UGGT2: variants seen among roughly 807,000 people sequenced by gnomAD.
UGGT2 encodes the protein UDP-glucose:glycoprotein glucosyltransferase 2.
In UGGT2, 180 loss-of-function variants were observed where a neutral mutation model predicts 192.1. The observed-to-expected ratio is 0.94, with a 90% CI of 0.83 to 1.06. UGGT2 has a LOEUF of 1.06. Ranked by LOEUF, UGGT2 falls within the 50% of genes least tolerant of loss-of-function variation. UGGT2 has a pLI of 0.00. For missense variants in UGGT2, 1,849 were observed against 1,795.7 expected (o/e 1.03, Z -0.54); for synonymous variants, 580 against 591.0 (o/e 0.98, Z 0.27).
At chr13:95,907,720 T>A (rs914096919) in intron 20 of UGGT2, among the ~76,000 whole-genome samples, 1 of 152,186 alleles carries the variant, frequency 6.6e-6, no homozygotes, top group African/African-American at 2.4e-5. Flanking sequence ...AAAGGTCATC[T>A]ACACCAAAAC....
intron 5 of UGGT2, among the ~76,000 whole-genome samples, chr13:96,001,736 G>C (rs1272681518): frequency 6.6e-6 from 1 of 152,092 alleles, no homozygotes; most frequent in Non-Finnish European, 1.5e-5. Context: ...ATATTTTATA[G>C]ATATCTACTT....
At chr13:95,913,048 A>G (rs1210475378) in intron 20 of UGGT2, among the ~76,000 whole-genome samples, 3 of 152,250 alleles carry the variant, frequency 2.0e-5, no homozygotes, top group African/African-American at 7.2e-5. Context: ...TAGAAAGCTG[A>G]AATTGGATCC....
rs760819633 is a variant in UGGT2, at chr13:95,937,106, A to G, written c.1813-18T>C. The G allele has an allele frequency of 1.6e-4, 250 of 1,572,768 alleles. No individual in the cohort carries two copies. The highest frequency in any genetic ancestry group is 2.1e-4 in the Non-Finnish European group (243 of 1,169,488). ...GCTCCAGCCTATTCAGTTAAAAAAT[A>G]TCAGAGTGTTAAACAAAATATGATT... On this transcript the variant is annotated intron_variant, in intron 16 of 38. Transcript: ENST00000376747.
intron 4 of UGGT2, among the ~76,000 whole-genome samples, chr13:96,018,336 C>A (rs191905938): frequency 6.6e-6 from 1 of 152,058 alleles, no homozygotes; most frequent in East Asian, 1.9e-4. Context: ...GGCAACATAG[C>A]AAGACCCCGT....
chr13:95,891,345 T>C (rs1320201027), intron 24 of UGGT2, among the ~76,000 whole-genome samples: 3 of 152,164 alleles, frequency 2.0e-5, no homozygotes, highest in Admixed American at 6.5e-5. Context: ...TAAAATTAAC[T>C]ATTCATACTT....
chr13:95,921,553 G>C (rs1286594341), intron 20 of UGGT2, among the ~76,000 whole-genome samples: 2 of 151,726 alleles, frequency 1.3e-5, no homozygotes, highest in African/African-American at 4.8e-5. Flanking sequence ...AACATTAACT[G>C]GCTAGTAAAC....
At chr13:95,980,676 T>C (rs2051091185) in intron 10 of UGGT2, among the ~76,000 whole-genome samples, 1 of 152,180 alleles carries the variant, frequency 6.6e-6, no homozygotes, top group Non-Finnish European at 1.5e-5. Flanking sequence ...TTGCGCCCTC[T>C]AGTGGGAAGA....
intron 29 of UGGT2, among the ~76,000 whole-genome samples, chr13:95,870,681 G>A (rs1402977853): frequency 1.3e-5 from 2 of 152,156 alleles, no homozygotes; most frequent in Non-Finnish European, 2.9e-5. Context: ...TTCCCAATAC[G>A]ATGTAAAAGC....
At chr13:95,899,894 C>A (rs374994749) in intron 22 of UGGT2, among the ~76,000 whole-genome samples, 1 of 151,908 alleles carries the variant, frequency 6.6e-6, no homozygotes, top group East Asian at 1.9e-4. Context: ...TGCAGGTGAA[C>A]AGAATTCAAA....
chr13:95,849,830 T>C (rs946068040), intron 36 of UGGT2, among the ~76,000 whole-genome samples: 4 of 149,698 alleles, frequency 2.7e-5, no homozygotes, highest in African/African-American at 9.7e-5. Context: ...CTAACTTTTA[T>C]ATATTAATTT....
At chr13:95,908,231 A>C (rs2048356211) in intron 20 of UGGT2, among the ~76,000 whole-genome samples, 1 of 152,246 alleles carries the variant, frequency 6.6e-6, no homozygotes, top group Non-Finnish European at 1.5e-5. Context: ...CAAAGCCTCC[A>C]AGAAATATGG....
intron 10 of UGGT2, among the ~76,000 whole-genome samples, chr13:95,978,825 A>C (rs368783710): frequency 6.6e-6 from 1 of 152,234 alleles, no homozygotes; most frequent in African/African-American, 2.4e-5. Flanking sequence ...ATAAGACTTA[A>C]AAAGTATGAT....
chr13:95,964,871 C>T (rs2050517457), intron 12 of UGGT2, among the ~76,000 whole-genome samples: 1 of 150,330 alleles, frequency 6.7e-6, no homozygotes, highest in Admixed American at 6.6e-5. Context: ...TATCCAGAAT[C>T]TACAATGAAC....
chr13:95,928,300 C>T (rs2049105171), intron 17 of UGGT2, among the ~76,000 whole-genome samples: 1 of 151,630 alleles, frequency 6.6e-6, no homozygotes, highest in African/African-American at 2.4e-5. Flanking sequence ...GCAGGGGCTG[C>T]CCCCCACCTC....
intron 11 of UGGT2, 51 bp downstream of exon 11, chr13:95,972,526 ATGT>A: frequency 7.2e-7 from 1 of 1,380,410 alleles, no homozygotes; most frequent in South Asian, 1.2e-5. Flanking sequence ...ATTCAAGACA[ATGT>A]TTATTTTTAT....
At chr13:96,040,576 T>C (rs1453649295) in intron 1 of UGGT2, among the ~76,000 whole-genome samples, 2 of 151,976 alleles carry the variant, frequency 1.3e-5, no homozygotes, top group Admixed American at 6.5e-5. Flanking sequence ...TTCAACCTAC[T>C]ACAGATGCCC....
At chr13:95,932,685 T>C (rs1466995536) in intron 17 of UGGT2, among the ~76,000 whole-genome samples, 1 of 152,192 alleles carries the variant, frequency 6.6e-6, no homozygotes, top group African/African-American at 2.4e-5. Flanking sequence ...AAGGGGAATG[T>C]TTCCAGCTTT....
intron 38 of UGGT2, among the ~76,000 whole-genome samples, chr13:95,814,288 G>C (rs780061205): frequency 2.0e-5 from 3 of 152,216 alleles, no homozygotes; most frequent in Non-Finnish European, 4.4e-5. Flanking sequence ...TGTGAGAGTA[G>C]CCTCGGGGGT....
In UGGT2 at chr13:95,832,991, C is replaced by T; in HGVS notation, c.4464G>A (p.Trp1488Ter). The change falls in exon 38 of 39, where the codon TGG becomes TGA. Residue 1488 changes from tryptophan (W) to a stop codon, truncating the protein, a stop_gained. Coordinates refer to ENST00000376747, the MANE Select transcript of UGGT2 (RefSeq NM_020121.4). LOFTEE classifies it high-confidence loss of function. Reference sequence around the variant, plus strand: ...GTCTTATCTCAGCATCATACTCCACCCATTCTGGGACAATTCTGGCAGCAG... The same window carrying T: ...GTCTTATCTCAGCATCATACTCCACTCATTCTGGGACAATTCTGGCAGCAG... The part of the protein sequence containing the change: ...LKAAARIVPE[W>*]VEYDAEIRQL... 2.5e-6 allele frequency: 4 copies of T among 1,612,958 alleles called. No individual in the cohort carries two copies. The highest frequency in any genetic ancestry group is 3.4e-6 in the Non-Finnish European group (4 of 1,179,276).
Sources: allele counts gnomAD v4.1 joint callset (sites outside exome capture counted in the v4.1 genomes callset), GRCh38; gene constraint gnomAD v4.1.1; transcripts MANE v1.5; gene names NCBI Gene and HGNC (gene_info 2026-07-23, HGNC 2026-07-21).